Variants in AP1AR observed in about 807,000 individuals in gnomAD.
AP1AR encodes the protein adaptor related protein complex 1 associated regulatory protein, also known as AP-1 complex-associated regulatory protein.
Under a neutral mutation model 46.3 loss-of-function variants are expected in AP1AR, and 29 were observed. The ratio of observed to expected loss-of-function variants is 0.63; its 90% CI spans 0.47 to 0.85. AP1AR has a LOEUF of 0.85. Ranked by LOEUF, AP1AR falls within the 40% of genes least tolerant of loss-of-function variation. AP1AR has a pLI of 0.00. For synonymous variants in AP1AR, 122 were observed against 122.9 expected (o/e 0.99, Z 0.05); for missense variants, 357 against 356.3 (o/e 1.00, Z -0.02).
At chr4:112,247,235 C>T (rs766201710) in intron 1 of AP1AR, among the ~76,000 whole-genome samples, 16 of 152,110 alleles carry the variant, frequency 1.1e-4, no homozygotes, top group Non-Finnish European at 2.1e-4. Flanking sequence ...GCATCTTTGT[C>T]TACAGACAAC....
At chr4:112,250,350 C>T (rs569423863) in intron 1 of AP1AR, among the ~76,000 whole-genome samples, 1 of 152,258 alleles carries the variant, frequency 6.6e-6, no homozygotes, top group South Asian at 2.1e-4. Context: ...AATAGCTCTC[C>T]GAAATCTGAA....
rs956983512 is a variant in AP1AR, at chr4:112,272,543, C to CCACT, written c.*4135_*4138dup. ...AAAGGCCCTTCCAGATACTGGCAAA[C>CCACT]CACTGCACATACAGGGAGGGAAGAG... On this transcript the variant is annotated 3_prime_UTR_variant, in exon 10 of 10. Transcript: ENST00000274000. 5.9e-5 allele frequency among the ~76,000 whole-genome samples: 9 copies of CCACT among 152,018 alleles called. No individual in the cohort carries two copies. Among genetic ancestry groups the CCACT allele is most frequent in the Non-Finnish European group, 1.3e-4 (9 of 68,004 alleles).
chr4:112,250,657 A>G (rs1725918984), intron 1 of AP1AR, among the ~76,000 whole-genome samples: 1 of 152,218 alleles, frequency 6.6e-6, no homozygotes, highest in Non-Finnish European at 1.5e-5. Flanking sequence ...CTCCCCTGAT[A>G]AAAATGTTGA....
chr4:112,251,443 G>C (rs964079275), intron 1 of AP1AR, among the ~76,000 whole-genome samples: 1 of 152,136 alleles, frequency 6.6e-6, no homozygotes. Flanking sequence ...CCTTGGTTTC[G>C]ACAATGTTCT....
At chr4:112,263,161 T>C in intron 6 of AP1AR, 75 bp downstream of exon 6, 1 of 1,167,326 alleles carries the variant, frequency 8.6e-7, no homozygotes, top group Non-Finnish European at 1.2e-6. Context: ...TAGTTGGGAC[T>C]CTTTTTTTCC....
rs183250856 is a variant in AP1AR, at chr4:112,263,411, C to T, written c.381+325C>T. Among the ~76,000 whole-genome samples the T allele has an allele frequency of 5.7e-3, 860 of 150,694 alleles. 5 individuals carry two copies. Among genetic ancestry groups the T allele is most frequent in the Non-Finnish European group, 9.4e-3 (635 of 67,842 alleles). On this transcript the variant is annotated intron_variant, in intron 6 of 9. Transcript: ENST00000274000. Reference sequence around the variant, plus strand: ...ATTAAATGTACTCTTAGAGGGAAAGCGTTGCAAAACTAGCCTTTAAATATA... The same window carrying T: ...ATTAAATGTACTCTTAGAGGGAAAGTGTTGCAAAACTAGCCTTTAAATATA...
intron 1 of AP1AR, among the ~76,000 whole-genome samples, chr4:112,237,202 G>C (rs1725279617): frequency 6.6e-6 from 1 of 152,112 alleles, no homozygotes; most frequent in African/African-American, 2.4e-5. Flanking sequence ...CGCCTCCCAG[G>C]TTCAAGCAAT....
chr4:112,264,926 T>C, intron 6 of AP1AR, 83 bp from the exon 7 acceptor site: 1 of 1,031,536 alleles, frequency 9.7e-7, no homozygotes, highest in Non-Finnish European at 1.4e-6. Flanking sequence ...TAGAAAAAAA[T>C]ACTTTTTGGT....
intron 3 of AP1AR, among the ~76,000 whole-genome samples, chr4:112,256,487 C>G (rs750681522): frequency 1.6e-4 from 25 of 152,154 alleles, no homozygotes; most frequent in Non-Finnish European, 3.2e-4. Flanking sequence ...CATGGATTTT[C>G]CTAAGATGCT....
rs143529907 is a variant in AP1AR at position 112,268,247 on chromosome 4, A to G, written c.747A>G (p.Thr249=). Residue 249 remains threonine, a synonymous_variant, in exon 10 of 10, where the codon ACA becomes ACG. Coordinates refer to ENST00000274000, the MANE Select transcript of AP1AR (RefSeq NM_018569.6). ...YSNKKTGSNP[T]SASDDSNGLE... Reference sequence around the variant, plus strand: ...ACAAGAAGACTGGAAGTAATCCTACATCAGCCTCTGATGATTCCAATGGGC... The same window carrying G: ...ACAAGAAGACTGGAAGTAATCCTACGTCAGCCTCTGATGATTCCAATGGGC... 1.3e-5 allele frequency: 21 copies of G among 1,613,058 alleles called. No homozygotes were observed. Among genetic ancestry groups the G allele is most frequent in the African/African-American group, 6.7e-5 (5 of 74,870 alleles).
In AP1AR at chr4:112,268,481, G is replaced by C. The variant is rs773776938; in HGVS notation, c.*72G>C. The C allele has an allele frequency of 2.2e-5, 31 of 1,431,672 alleles. No individual in the cohort carries two copies. Among genetic ancestry groups the C allele is most frequent in the Non-Finnish European group, 2.7e-5 (29 of 1,075,730 alleles). 88.7% of individuals were successfully genotyped at this position (1,431,672 alleles called of 1,614,324 possible). ...AACCAACTAGAATGTATAAGTGATT[G>C]TGCTTAGCCTTTTTGTAAGGGAGAT... On this transcript the variant is annotated 3_prime_UTR_variant, in exon 10 of 10. Coordinates refer to ENST00000274000, the MANE Select transcript of AP1AR (RefSeq NM_018569.6).
chr4:112,237,086 C>T (rs1290813155), intron 1 of AP1AR, among the ~76,000 whole-genome samples: 1 of 152,152 alleles, frequency 6.6e-6, no homozygotes, highest in African/African-American at 2.4e-5. Flanking sequence ...TGTGCTTGTT[C>T]TTGTTTTCCT....
intron 1 of AP1AR, among the ~76,000 whole-genome samples, chr4:112,235,796 C>T (rs1015466498): frequency 2.0e-5 from 3 of 152,130 alleles, no homozygotes; most frequent in Non-Finnish European, 4.4e-5. Flanking sequence ...TCTCTCATTG[C>T]AGTATCTTGA....
intron 1 of AP1AR, among the ~76,000 whole-genome samples, chr4:112,241,994 C>A (rs1397442269): frequency 6.6e-6 from 1 of 151,988 alleles, no homozygotes; most frequent in African/African-American, 2.4e-5. Flanking sequence ...GCAAAACATA[C>A]AGGGAAAGAC....
At chr4:112,267,651 G>A (rs529140597) in intron 9 of AP1AR, among the ~76,000 whole-genome samples, 1 of 151,944 alleles carries the variant, frequency 6.6e-6, no homozygotes, top group African/African-American at 2.4e-5. Flanking sequence ...TGATAGTACT[G>A]TACTCCATAG....
chr4:112,241,164 G>A (rs530734899), intron 1 of AP1AR, among the ~76,000 whole-genome samples: 20 of 152,222 alleles, frequency 1.3e-4, no homozygotes, highest in African/African-American at 4.8e-4. Context: ...ATAAAATTAA[G>A]TTTTTGAACA....
chr4:112,247,709 G>C (rs538517155), intron 1 of AP1AR, among the ~76,000 whole-genome samples: 1 of 152,154 alleles, frequency 6.6e-6, no homozygotes, highest in Non-Finnish European at 1.5e-5. Context: ...TATTATAATA[G>C]CTTTCTAATT....
chr4:112,254,757 T>C lies in AP1AR; in HGVS notation c.143T>C (p.Leu48Pro), dbSNP rs769466418. Residue 48 changes from leucine to proline, a missense_variant, in exon 3 of 10, where the codon CTA becomes CCA. Around this residue, in one of 2 missense-constraint regions of AP1AR, gnomAD observed 269 missense variants for 223.6 expected, o/e 1.20. Transcript: ENST00000274000. ...TTTTTGTCCTTTCAGTTTGAGAATC[T>C]AGTAGAAAGTGATGAAGTAAGTATT... is the stretch of plus-strand genomic sequence containing the variant. ...GEHLTIEFEN[L>P]VESDEGESPG... is the part of the protein sequence containing the mutation. 1 of 1,505,022 alleles carries C rather than the reference T, an allele frequency of 6.6e-7. No individual in the cohort carries two copies. Among genetic ancestry groups the C allele is most frequent in the Non-Finnish European group, 9.0e-7 (1 of 1,116,686 alleles). The allele number at this position is 1,505,022 out of a possible 1,614,324, so 93.2% of individuals were successfully genotyped here.
chr4:112,266,685 A>T lies in AP1AR; in HGVS notation c.612A>T (p.Thr204=). Residue 204 remains threonine (T), a synonymous_variant, in exon 9 of 10, where the codon ACA becomes ACT. Coordinates refer to ENST00000274000, the MANE Select transcript of AP1AR (RefSeq NM_018569.6). ...CAACTAGTGGAAATGACGACAGCAC[A>T]TCCTTAGATCTAGAGTGGGAAGATG... is the stretch of plus-strand genomic sequence containing the variant. ...TKSTSGNDDS[T]SLDLEWEDEE... is the part of the protein sequence containing the mutation. 1.2e-6 allele frequency: 2 copies of T among 1,609,842 alleles called. No individual in the cohort carries two copies. Among genetic ancestry groups the T allele is most frequent in the Non-Finnish European group, 1.7e-6 (2 of 1,177,410 alleles).
Sources: gnomAD v4.1 joint callset for allele counts (sites outside exome capture counted in the v4.1 genomes callset) on GRCh38, gnomAD v4.1.1 for gene constraint, gnomAD v4.1.1 regional missense constraint, MANE v1.5 for transcripts, NCBI Gene and HGNC (gene_info 2026-07-23, HGNC 2026-07-21) for gene names.